KIT: variants seen among roughly 807,000 people sequenced by gnomAD.
The protein encoded by KIT is mast/stem cell growth factor receptor Kit.
Under a neutral mutation model 105.7 loss-of-function variants are expected in KIT, and 16 were observed. The observed-to-expected ratio is 0.15, with a 90% CI of 0.10 to 0.23. The LOEUF is 0.23. Among genes scored for constraint, KIT ranks in the 10% least tolerant of loss-of-function variants. The pLI is 1.00. For synonymous variants in KIT, 438 were observed against 441.1 expected (o/e 0.99, Z 0.09); for missense variants, 858 against 1,213.8 (o/e 0.71, Z 4.36).
chr4:54,739,823 C>G lies in KIT; in HGVS notation c.*1266C>G, dbSNP rs1723141329. 1 of 233,464 alleles carries G rather than the reference C, an allele frequency of 4.3e-6. No individual in the cohort carries two copies. The highest frequency in any genetic ancestry group is 6.0e-5 in the East Asian group (1 of 16,562). The allele number at this position is 233,464 out of a possible 1,614,324, so 14.5% of individuals were successfully genotyped here. On this transcript the variant is annotated 3_prime_UTR_variant, in exon 21 of 21. Coordinates refer to ENST00000288135, the MANE Select transcript of KIT (RefSeq NM_000222.3). ...GTCTAGAGTAGCTTACCAGAAGCTT[C>G]CATAGTGGTGCAGAGGAAGTGGAAG...
chr4:54,679,358 T>C (rs1466578691), intron 1 of KIT, among the ~76,000 whole-genome samples: 2 of 152,330 alleles, frequency 1.3e-5, no homozygotes, highest in African/African-American at 4.8e-5. Context: ...TTGAAGTCTA[T>C]CTGCAGAACA....
At chr4:54,691,493 A>G (rs1719703474) in intron 1 of KIT, among the ~76,000 whole-genome samples, 2 of 152,234 alleles carry the variant, frequency 1.3e-5, no homozygotes, top group South Asian at 4.1e-4. Flanking sequence ...ACACAGGCAG[A>G]AGGGATGATG....
chr4:54,709,495 A>T lies in KIT; in HGVS notation c.1187A>T (p.Asn396Ile). ...EGGTYTFLVSNSDVNAAIAFN... is the reference protein window; with the variant it reads ...EGGTYTFLVSISDVNAAIAFN... ...GGCACTTACACATTCCTAGTGTCCA[A>T]TTCTGACGTCAATGCTGCCATAGCA... The change falls in exon 7 of 21, where the codon AAT (asparagine) becomes ATT (isoleucine). Residue 396 changes from asparagine to isoleucine, a missense_variant. Physicochemically the swap from Asn to Ile is moderately radical, Grantham distance 149 (BLOSUM62 -3). Coordinates refer to ENST00000288135, the MANE Select transcript of KIT (RefSeq NM_000222.3). The T allele has an allele frequency of 6.2e-7, 1 of 1,613,422 alleles. No individual in the cohort carries two copies. Among genetic ancestry groups the T allele is most frequent in the Non-Finnish European group, 8.5e-7 (1 of 1,179,338 alleles).
chr4:54,690,618 A>G (rs1277135219), intron 1 of KIT, among the ~76,000 whole-genome samples: 1 of 152,238 alleles, frequency 6.6e-6, no homozygotes. Flanking sequence ...CCTTAGCCAA[A>G]CATAATTTGG....
chr4:54,694,668 C>T (rs1001915651), intron 1 of KIT, among the ~76,000 whole-genome samples: 6 of 152,216 alleles, frequency 3.9e-5, no homozygotes, highest in South Asian at 2.1e-4. Flanking sequence ...GCGTGAGCCA[C>T]GGCACCTGGC....
intron 7 of KIT, among the ~76,000 whole-genome samples, chr4:54,721,668 G>C (rs1361040090): frequency 6.6e-6 from 1 of 152,196 alleles, no homozygotes; most frequent in East Asian, 1.9e-4. Context: ...TGCCTCCAGG[G>C]AGGTGAGGTG....
chr4:54,715,465 C>T (rs927051815), intron 7 of KIT, among the ~76,000 whole-genome samples: 2 of 151,840 alleles, frequency 1.3e-5, no homozygotes, highest in African/African-American at 4.8e-5. Context: ...ACACCTGCTT[C>T]TGGTGAGGGC....
chr4:54,685,587 AC>A (rs1456755169), intron 1 of KIT, among the ~76,000 whole-genome samples: 1 of 152,018 alleles, frequency 6.6e-6, no homozygotes, highest in Non-Finnish European at 1.5e-5. Flanking sequence ...ACTGTCCTTC[AC>A]TGCTCCCAGA....
chr4:54,703,698 T>C (rs1431166894), intron 4 of KIT, 26 bp from the exon 5 acceptor site: 1 of 1,597,254 alleles, frequency 6.3e-7, no homozygotes, highest in Non-Finnish European at 8.6e-7. Flanking sequence ...TCTTCATTTT[T>C]TTTTCTCCTT....
intron 3 of KIT, among the ~76,000 whole-genome samples, chr4:54,698,992 CTGTT>C (rs1379039667): frequency 1.3e-5 from 2 of 152,234 alleles, no homozygotes; most frequent in African/African-American, 4.8e-5. Flanking sequence ...CATCCTCAAA[CTGTT>C]TGAGATCTGA....
At chr4:54,686,107 C>G (rs1283266129) in intron 1 of KIT, among the ~76,000 whole-genome samples, 1 of 152,160 alleles carries the variant, frequency 6.6e-6, no homozygotes, top group African/African-American at 2.4e-5. Flanking sequence ...GCCTTGTTTG[C>G]CATTAATTAC....
rs755572814 is a variant in KIT at position 54,725,919 on chromosome 4, G to A, written c.1409G>A (p.Gly470Glu). The change falls in exon 9 of 21, where the codon GGA becomes GAA. Residue 470 changes from glycine to glutamate, a missense_variant. Gly to Glu is a moderately conservative substitution (Grantham distance 98). This residue lies in a region of KIT where 401 missense variants were observed against 601.0 expected (regional missense o/e 0.67). Transcript: ENST00000288135. ...CTAAACTCATCTGGGCCACCGTTTG[G>A]AAAGCTAGTGGTTCAGAGTTCTATA... Reference protein sequence around the residue: ...QTLNSSGPPFGKLVVQSSIDS... With the variant: ...QTLNSSGPPFEKLVVQSSIDS... The A allele has an allele frequency of 1.9e-6, 3 of 1,614,140 alleles. No homozygotes were observed. In the South Asian group the frequency reaches 3.3e-5, roughly 18 times the overall value.
chr4:54,732,820 G>T (rs1722692666), intron 16 of KIT, among the ~76,000 whole-genome samples: 1 of 152,094 alleles, frequency 6.6e-6, no homozygotes, highest in Non-Finnish European at 1.5e-5. Context: ...ATGAATGAAA[G>T]CAGTCCTGAG....
At chr4:54,673,888 G>A (rs1474912227) in intron 1 of KIT, among the ~76,000 whole-genome samples, 2 of 152,152 alleles carry the variant, frequency 1.3e-5, no homozygotes, top group Non-Finnish European at 2.9e-5. Context: ...TCGTGCCTCA[G>A]CCTCCCGAGT....
chr4:54,727,298 A>C lies in KIT; in HGVS notation c.1621A>C (p.Met541Leu), dbSNP rs3822214. The change falls in exon 10 of 21, where the codon ATG (methionine) becomes CTG (leucine). Residue 541 changes from methionine (M) to leucine (L), a missense_variant. Transcript: ENST00000288135. Reference protein sequence around the residue: ...IVAGMMCIIVMILTYKYLQKP... With the variant: ...IVAGMMCIIVLILTYKYLQKP... ...AGCTGGCATGATGTGCATTATTGTGATGATTCTGACCTACAAATATTTACA... is the reference window on the plus strand; with the variant it reads ...AGCTGGCATGATGTGCATTATTGTGCTGATTCTGACCTACAAATATTTACA... 0.095 allele frequency: 153,825 copies of C among 1,613,890 alleles called. 7,906 individuals are homozygous for C. Among genetic ancestry groups the C allele is most frequent in the Non-Finnish European group, 0.11 (124,671 of 1,179,790 alleles).
At chr4:54,659,276 G>A (rs555263358) in intron 1 of KIT, among the ~76,000 whole-genome samples, 1 of 152,300 alleles carries the variant, frequency 6.6e-6, no homozygotes, top group East Asian at 1.9e-4. Context: ...TTTGCAGGTT[G>A]CTGGAGCCCC....
intron 1 of KIT, among the ~76,000 whole-genome samples, chr4:54,662,217 C>T (rs1252891591): frequency 1.3e-5 from 2 of 152,212 alleles, no homozygotes; most frequent in African/African-American, 4.8e-5. Flanking sequence ...CAAATATGCC[C>T]CTGGGACCAG....
intron 5 of KIT, among the ~76,000 whole-genome samples, chr4:54,705,676 A>C (rs1163170306): frequency 2.0e-5 from 3 of 152,140 alleles, no homozygotes; most frequent in Non-Finnish European, 4.4e-5. Flanking sequence ...TAAGCCCAGG[A>C]GTTTGAAACC....
chr4:54,723,419 C>T (rs2109759607), intron 7 of KIT, among the ~76,000 whole-genome samples, 165 bp from the exon 8 acceptor site: 2 of 152,306 alleles, frequency 1.3e-5, no homozygotes, highest in South Asian at 4.1e-4. Flanking sequence ...CTGACAGCCG[C>T]CTCCTTGTAC....
Sources: allele counts gnomAD v4.1 joint callset (sites outside exome capture counted in the v4.1 genomes callset), GRCh38; gene constraint gnomAD v4.1.1; regional missense constraint gnomAD v4.1.1; transcripts MANE v1.5; gene names NCBI Gene and HGNC (gene_info 2026-07-23, HGNC 2026-07-21).